The following OPCML variants were observed in gnomAD, a reference collection of about 807,000 sequenced individuals.
The protein encoded by OPCML is opioid binding protein/cell adhesion molecule like, also known as opioid-binding protein/cell adhesion molecule.
In OPCML, 13 loss-of-function variants were observed where a neutral mutation model predicts 37.8. The observed-to-expected ratio is 0.34, with a 90% confidence interval of 0.22 to 0.55. The LOEUF is 0.55. OPCML is among the 20% of genes least tolerant of loss of function. The probability of loss-of-function intolerance (pLI) is 0.91; values close to 1 mark genes in which losing one functional copy is unlikely to be tolerated. For missense variants in OPCML, 341 were observed against 435.6 expected, an observed-to-expected ratio of 0.78 and a Z score of 1.93; for synonymous variants, 176 against 168.8, an observed-to-expected ratio of 1.04 and a Z score of -0.33.
At chr11:132,679,697 A>G (rs1942857259) in intron 2 of OPCML, among the ~76,000 whole-genome samples, 1 of 152,088 alleles carries the variant, frequency 6.6e-6, no homozygotes, top group Non-Finnish European at 1.5e-5. Flanking sequence ...CAACTCTGCA[A>G]ATATACGAAA....
At chr11:132,877,735 T>C (rs1027054654) in intron 2 of OPCML, among the ~76,000 whole-genome samples, 1 of 152,186 alleles carries the variant, frequency 6.6e-6, no homozygotes, top group African/African-American at 2.4e-5. Flanking sequence ...TCCTAGACTT[T>C]ACTCTGTGCT....
chr11:133,361,255 G>A (rs1944407841), intron 1 of OPCML: 1 of 152,312 alleles, frequency 6.6e-6, no homozygotes, highest in Admixed American at 6.5e-5. Flanking sequence ...CAGCAGACGA[G>A]CCCTCTGGGG....
intron 1 of OPCML, among the ~76,000 whole-genome samples, chr11:133,109,346 G>A (rs1248529382): frequency 6.6e-6 from 1 of 152,176 alleles, no homozygotes; most frequent in Non-Finnish European, 1.5e-5. Context: ...GGTTACCGCT[G>A]CTGGCTGGGG....
intron 2 of OPCML, among the ~76,000 whole-genome samples, chr11:132,766,514 C>G (rs528846278): frequency 6.6e-6 from 1 of 152,302 alleles, no homozygotes; most frequent in South Asian, 2.1e-4. Context: ...ATCAGACAAA[C>G]TCTTCTCCTG....
At chr11:132,717,828 T>C (rs547600214) in intron 2 of OPCML, among the ~76,000 whole-genome samples, 1 of 152,302 alleles carries the variant, frequency 6.6e-6, no homozygotes, top group South Asian at 2.1e-4. Context: ...TCTGCGATTT[T>C]TTGAAAGACA....
Position 133,523,144 on chromosome 11 carries a change from G to A in OPCML, c.61+9120C>T, listed in dbSNP as rs1485837595. 3.3e-5 allele frequency among the ~76,000 whole-genome samples: 5 copies of A among 152,146 alleles called. No individual in the cohort carries two copies. The East Asian group carries it at 5.8e-4, about 18-fold the overall frequency. Reference sequence around the variant, plus strand: ...AATATTTTTGAAGGGTAGAGAAACCGAGTTATTCAATTTTAAGCCCTACAT... The same window carrying A: ...AATATTTTTGAAGGGTAGAGAAACCAAGTTATTCAATTTTAAGCCCTACAT... On this transcript the variant is annotated intron_variant, in intron 1 of 7. Transcript: ENST00000524381.
chr11:132,994,360 C>G (rs1249325218), intron 1 of OPCML, among the ~76,000 whole-genome samples: 5 of 152,118 alleles, frequency 3.3e-5, no homozygotes, highest in African/African-American at 1.2e-4. Flanking sequence ...ACCAGGTCAG[C>G]GTGAGTACAC....
At chr11:132,617,169 A>T (rs1271974452) in intron 3 of OPCML, among the ~76,000 whole-genome samples, 1 of 152,248 alleles carries the variant, frequency 6.6e-6, no homozygotes, top group Non-Finnish European at 1.5e-5. Flanking sequence ...TTAAGAAATC[A>T]ATAAAATGAC....
chr11:132,903,470 T>G (rs999268950), intron 2 of OPCML, among the ~76,000 whole-genome samples: 2 of 152,126 alleles, frequency 1.3e-5, no homozygotes, highest in African/African-American at 4.8e-5. Flanking sequence ...CTTCTCTCAT[T>G]CAAGGCCATT....
chr11:133,035,152 T>C (rs1431939136), intron 1 of OPCML, among the ~76,000 whole-genome samples: 3 of 152,190 alleles, frequency 2.0e-5, no homozygotes, highest in Non-Finnish European at 4.4e-5. Flanking sequence ...GTCTTGCTCA[T>C]AGATTACCTT....
chr11:133,223,214 T>C (rs766157262), intron 1 of OPCML, among the ~76,000 whole-genome samples: 1 of 152,310 alleles, frequency 6.6e-6, no homozygotes, highest in Non-Finnish European at 1.5e-5. Flanking sequence ...CACCGCCCAG[T>C]GCAATGATTT....
intron 1 of OPCML, among the ~76,000 whole-genome samples, chr11:133,344,353 T>C (rs1380998568): frequency 2.0e-5 from 3 of 152,338 alleles, no homozygotes; most frequent in African/African-American, 4.8e-5. Context: ...GCTATAGTCC[T>C]GGCACGGCTT....
intron 2 of OPCML, among the ~76,000 whole-genome samples, chr11:132,880,317 T>A (rs1476018563): frequency 6.6e-6 from 1 of 152,198 alleles, no homozygotes; most frequent in Admixed American, 6.5e-5. Flanking sequence ...CAACCTATCA[T>A]CAGAATTGCT....
chr11:133,174,674 A>G lies in OPCML; in HGVS notation c.62-231664T>C, dbSNP rs1950341554. On this transcript the variant is annotated intron_variant, in intron 1 of 7. Transcript: ENST00000524381. The surrounding 1 kb of genome is among the most constrained non-coding windows in gnomAD (Gnocchi z 4.6). ...AAAAAAAAAAGCAGGGGGAAGTTAA[A>G]CACCTGAGTGAAGTGTGTGTATTTC... 6.6e-6 allele frequency among the ~76,000 whole-genome samples: 1 copy of G among 151,532 alleles called. No homozygotes were observed. The highest frequency in any genetic ancestry group is 2.1e-4 in the South Asian group (1 of 4,780).
At chr11:133,242,486 C>A (rs1343524024) in intron 1 of OPCML, among the ~76,000 whole-genome samples, 2 of 152,138 alleles carry the variant, frequency 1.3e-5, no homozygotes, top group Non-Finnish European at 2.9e-5. Context: ...GACAGGTTCT[C>A]CTGAGGCTGC....
At chr11:133,134,723 G>A (rs1224645536) in intron 1 of OPCML, among the ~76,000 whole-genome samples, 1 of 152,142 alleles carries the variant, frequency 6.6e-6, no homozygotes, top group African/African-American at 2.4e-5. Context: ...CACATCAAGC[G>A]AGATGAGCCA....
At chr11:132,921,294 T>C (rs1440437095) in intron 2 of OPCML, among the ~76,000 whole-genome samples, 2 of 152,190 alleles carry the variant, frequency 1.3e-5, no homozygotes, top group Non-Finnish European at 2.9e-5. Flanking sequence ...CACGACGCAG[T>C]GAATGCAATG....
intron 1 of OPCML, among the ~76,000 whole-genome samples, chr11:133,275,926 C>T (rs1484479542): frequency 6.6e-6 from 1 of 152,166 alleles, no homozygotes; most frequent in East Asian, 1.9e-4. Context: ...TGCTCCTCAT[C>T]AATGACTGAA....
intron 1 of OPCML, among the ~76,000 whole-genome samples, chr11:133,467,749 T>G (rs1947009188): frequency 6.6e-6 from 1 of 152,194 alleles, no homozygotes; most frequent in Non-Finnish European, 1.5e-5. Flanking sequence ...CCCGGCCTTC[T>G]TCTGTGACAC....
Sources: gnomAD v4.1 joint callset for allele counts (sites outside exome capture counted in the v4.1 genomes callset) on GRCh38, gnomAD v4.1.1 for gene constraint, Gnocchi (gnomAD v3.1) non-coding constraint, MANE v1.5 for transcripts, NCBI Gene and HGNC (gene_info 2026-07-23, HGNC 2026-07-21) for gene names.